Variants in PTGFR observed in about 807,000 individuals in gnomAD.
PTGFR encodes prostaglandin F receptor.
PTGFR carries 15 observed loss-of-function variants against 26.2 expected under a neutral mutation model. The observed-to-expected ratio is 0.57, with a 90% CI of 0.38 to 0.88. PTGFR has a LOEUF of 0.88. PTGFR is among the 40% of genes least tolerant of loss of function. The pLI, the probability that PTGFR is intolerant of heterozygous loss-of-function variation, is 0.00. For synonymous variants in PTGFR, 165 were observed against 151.1 expected (o/e 1.09, Z -0.68); for missense variants, 369 against 427.2 (o/e 0.86, Z 1.20).
At chr1:78,492,300 T>C (rs1055437118) in intron 1 of PTGFR, among the ~76,000 whole-genome samples, 1 of 152,208 alleles carries the variant, frequency 6.6e-6, no homozygotes, top group Non-Finnish European at 1.5e-5. Flanking sequence ...AAGGTCTCTC[T>C]CTCTTTTTTA....
At chr1:78,491,952 T>C (rs1407363600) in intron 1 of PTGFR, among the ~76,000 whole-genome samples, 2 of 151,978 alleles carry the variant, frequency 1.3e-5, no homozygotes, top group African/African-American at 4.8e-5. Flanking sequence ...ACTCTGAAGC[T>C]GTAACTGGAC....
At chr1:78,510,603 A>C (rs1404082085) in intron 2 of PTGFR, among the ~76,000 whole-genome samples, 1 of 152,166 alleles carries the variant, frequency 6.6e-6, no homozygotes, top group Non-Finnish European at 1.5e-5. Context: ...TTTCAACATG[A>C]AATTTGGAGG....
intron 2 of PTGFR, among the ~76,000 whole-genome samples, chr1:78,524,085 AGCT>A (rs753396511): frequency 1.2e-3 from 186 of 152,244 alleles, no homozygotes; most frequent in Non-Finnish European, 1.7e-3. Context: ...CCTTTTGGGC[AGCT>A]GGTGGAGTCG....
intron 2 of PTGFR, chr1:78,497,913 G>A (rs748838767): frequency 6.3e-7 from 1 of 1,593,918 alleles, no homozygotes; most frequent in East Asian, 2.2e-5. Context: ...GAAATATAAA[G>A]TATATGAAGA....
Position 78,537,446 on chromosome 1 carries a change from G to T in PTGFR, c.*759G>T, listed in dbSNP as rs1308305163. ...ATAAATAATTTTTAGAGAAACAAAG[G>T]CTCTTTCTCAGCACATTGATGGGCA... On this transcript the variant is annotated 3_prime_UTR_variant, in exon 3 of 3. Coordinates refer to ENST00000370757, the MANE Select transcript of PTGFR (RefSeq NM_000959.4). 1 of 152,022 alleles carries T rather than the reference G, an allele frequency of 6.6e-6. No individual in the cohort carries two copies. The highest frequency in any genetic ancestry group is 2.4e-5 in the African/African-American group (1 of 41,400). 9.4% of individuals were successfully genotyped at this position (152,022 alleles called of 1,614,324 possible).
Position 78,536,649 on chromosome 1 carries a change from T to A in PTGFR, c.1042T>A (p.Ser348Thr), listed in dbSNP as rs1650664030. The A allele has an allele frequency of 6.2e-7, 1 of 1,612,930 alleles. No individual in the cohort carries two copies. The highest frequency in any genetic ancestry group is 1.7e-5 in the Admixed American group (1 of 59,864). Residue 348 changes from serine (S) to threonine (T), a missense_variant, in exon 3 of 3, where the codon TCT becomes ACT. Coordinates refer to ENST00000370757, the MANE Select transcript of PTGFR (RefSeq NM_000959.4). ...IKNSLKVAAI[S>T]ESPVAEKSAS... ...AAATTCCTTAAAGGTTGCTGCTATT[T>A]CTGAGTCACCAGTTGCAGAGAAATC...
Position 78,514,963 on chromosome 1 carries a change from T to C in PTGFR, c.798+21422T>C, listed in dbSNP as rs538586881. Among the ~76,000 whole-genome samples, 10 of 152,200 alleles carry C rather than the reference T, an allele frequency of 6.6e-5. No homozygotes were observed. The East Asian group carries it at 9.7e-4, about 15-fold the overall frequency. Reference sequence around the variant, plus strand: ...TTCTTAGGCCTTTACCAGACACAGATGCCAGCGCCATGCTTCCTGTACAGC... The same window carrying C: ...TTCTTAGGCCTTTACCAGACACAGACGCCAGCGCCATGCTTCCTGTACAGC... On this transcript the variant is annotated intron_variant, in intron 2 of 2. Coordinates refer to ENST00000370757, the MANE Select transcript of PTGFR (RefSeq NM_000959.4).
intron 2 of PTGFR, among the ~76,000 whole-genome samples, chr1:78,502,361 TCCTGG>T (rs988735960): frequency 1.3e-5 from 2 of 152,164 alleles, no homozygotes; most frequent in African/African-American, 4.8e-5. Flanking sequence ...TTCTTTCACT[TCCTGG>T]CCATGTGTCT....
At position 78,493,532 on chromosome 1, in the gene PTGFR, C is replaced by T; in HGVS notation, c.789C>T (p.Ser263=). Residue 263 remains serine (S), a synonymous_variant, in exon 2 of 3, where the codon AGC becomes AGT. Coordinates refer to ENST00000370757, the MANE Select transcript of PTGFR (RefSeq NM_000959.4). ...AIMCVSCICW[S]PFLVTMANIG... ...TGTGTGTCTCCTGTATTTGTTGGAG[C>T]CCATTTCTGGTAAGAGCCTGAAGTT... 6.5e-7 allele frequency: 1 copy of T among 1,529,544 alleles called. No individual in the cohort carries two copies. Among genetic ancestry groups the T allele is most frequent in the Non-Finnish European group, 8.8e-7 (1 of 1,140,744 alleles). 94.7% of individuals were successfully genotyped at this position (1,529,544 alleles called of 1,614,324 possible).
intron 2 of PTGFR, among the ~76,000 whole-genome samples, chr1:78,516,979 TAA>T (rs779062014): frequency 1.2e-4 from 18 of 152,196 alleles, no homozygotes; most frequent in Non-Finnish European, 8.8e-5. Flanking sequence ...CTGTTTATCC[TAA>T]GTGTCTTGCA....
intron 2 of PTGFR, among the ~76,000 whole-genome samples, chr1:78,517,616 G>A (rs1252016001): frequency 2.0e-5 from 3 of 152,128 alleles, no homozygotes; most frequent in African/African-American, 7.2e-5. Flanking sequence ...TTCTTGTGAT[G>A]AGGAACAAAG....
chr1:78,536,669 G>A lies in PTGFR; in HGVS notation c.1062G>A (p.Glu354=). ...CTATTTCTGAGTCACCAGTTGCAGA[G>A]AAATCAGCAAGCACCTAGCTTAATA... ...VAAISESPVA[E]KSAST Residue 354 remains glutamate, a synonymous_variant, in exon 3 of 3, where the codon GAG becomes GAA. Coordinates refer to ENST00000370757, the MANE Select transcript of PTGFR (RefSeq NM_000959.4). 3 of 1,612,282 alleles carry A rather than the reference G, an allele frequency of 1.9e-6. No homozygotes were observed. Among genetic ancestry groups the A allele is most frequent in the Non-Finnish European group, 2.5e-6 (3 of 1,179,230 alleles).
At chr1:78,522,564 C>G (rs770369197) in intron 2 of PTGFR, among the ~76,000 whole-genome samples, 7 of 152,048 alleles carry the variant, frequency 4.6e-5, no homozygotes, top group Non-Finnish European at 7.4e-5. Flanking sequence ...GAGGCTCTAT[C>G]GAGCTTGTCC....
At chr1:78,503,539 T>G (rs1040602279) in intron 2 of PTGFR, among the ~76,000 whole-genome samples, 1 of 152,182 alleles carries the variant, frequency 6.6e-6, no homozygotes, top group African/African-American at 2.4e-5. Context: ...CTGGTGGGTG[T>G]CTCTCCAGGT....
chr1:78,524,906 A>ATTTTTTTTTTTTTTTTTTTT (rs35641651), intron 2 of PTGFR, among the ~76,000 whole-genome samples: 2 of 70,520 alleles, frequency 2.8e-5, no homozygotes, highest in Non-Finnish European at 5.3e-5. Context: ...CAAATGCAAG[A>ATTTTTTTTTTTTTTTTTTTT]TTTTTTTTTT....
At chr1:78,511,623 G>A (rs1649972368) in intron 2 of PTGFR, among the ~76,000 whole-genome samples, 1 of 152,186 alleles carries the variant, frequency 6.6e-6, no homozygotes, top group African/African-American at 2.4e-5. Flanking sequence ...AAATGGCTTT[G>A]AGGCTTTTCC....
intron 2 of PTGFR, among the ~76,000 whole-genome samples, chr1:78,505,120 CTTTT>C (rs11383272): frequency 1.6e-5 from 2 of 127,214 alleles, no homozygotes; most frequent in Admixed American, 8.3e-5. Context: ...TTTATTCTAA[CTTTT>C]TTTTTTTTTT....
At chr1:78,498,062 A>C in intron 2 of PTGFR, 2 of 789,292 alleles carry the variant, frequency 2.5e-6, no homozygotes, top group Non-Finnish European at 4.0e-6. Flanking sequence ...TTGGTCACTA[A>C]GGTGTTTGTT....
chr1:78,505,053 T>A (rs1454730921), intron 2 of PTGFR, among the ~76,000 whole-genome samples: 1 of 152,102 alleles, frequency 6.6e-6, no homozygotes. Flanking sequence ...TGAATAAAAA[T>A]TTTGTAACTT....
Sources: gnomAD v4.1 joint callset for allele counts (sites outside exome capture counted in the v4.1 genomes callset) on GRCh38, gnomAD v4.1.1 for gene constraint, MANE v1.5 for transcripts, NCBI Gene and HGNC (gene_info 2026-07-23, HGNC 2026-07-21) for gene names.